Variants in DCC observed in about 807,000 individuals in gnomAD.
DCC encodes the protein netrin receptor DCC.
Under a neutral mutation model 172.5 loss-of-function variants are expected in DCC, and 58 were observed. That is an observed-to-expected ratio of 0.34 (90% CI 0.27 to 0.42). The LOEUF is 0.42. Ranked by LOEUF, DCC falls within the 10% of genes least tolerant of loss-of-function variation. DCC has a pLI of 1.00. For synonymous variants in DCC, 709 were observed against 644.5 expected (o/e 1.10, Z -1.52); for missense variants, 1,740 against 1,791.0 (o/e 0.97, Z 0.51).
chr18:53,480,752 A>G (rs2045821826), intron 25 of DCC: 1 of 152,192 alleles, frequency 6.6e-6, no homozygotes, highest in South Asian at 2.1e-4. Context: ...CAGATGAGGA[A>G]ACTGAAAAAC....
intron 26 of DCC, among the ~76,000 whole-genome samples, chr18:53,496,346 C>T (rs1055867951): frequency 6.6e-6 from 1 of 152,138 alleles, no homozygotes; most frequent in Non-Finnish European, 1.5e-5. Flanking sequence ...CTCCAGCAGA[C>T]CTGCCACAGA....
chr18:52,839,228 A>G (rs1195758851), intron 2 of DCC, among the ~76,000 whole-genome samples: 1 of 152,224 alleles, frequency 6.6e-6, no homozygotes, highest in Non-Finnish European at 1.5e-5. Flanking sequence ...TAATTGACAC[A>G]GAAGTTTTCT....
At chr18:52,426,011 C>T (rs1273727816) in intron 1 of DCC, among the ~76,000 whole-genome samples, 1 of 152,110 alleles carries the variant, frequency 6.6e-6, no homozygotes, top group African/African-American at 2.4e-5. Flanking sequence ...CTGTTGTTAT[C>T]TCAGTGAGGT....
At chr18:52,857,950 T>A (rs1421611749) in intron 2 of DCC, among the ~76,000 whole-genome samples, 2 of 152,206 alleles carry the variant, frequency 1.3e-5, no homozygotes, top group Non-Finnish European at 2.9e-5. Flanking sequence ...TTTCATTATT[T>A]GGTTAAAAGA....
At chr18:52,706,962 T>C (rs116953349) in intron 1 of DCC, among the ~76,000 whole-genome samples, 5,708 of 152,100 alleles carry the variant, frequency 0.038, 165 homozygotes, top group Middle Eastern at 0.058. Context: ...GAGGGAGAGT[T>C]AACCAGGAGA....
At chr18:53,255,920 T>G (rs1037279456) in intron 12 of DCC, among the ~76,000 whole-genome samples, 2 of 152,208 alleles carry the variant, frequency 1.3e-5, no homozygotes, top group African/African-American at 4.8e-5. Context: ...TGGTGTGAGA[T>G]GGTATCTCAT....
chr18:52,969,630 A>T (rs7506200), intron 5 of DCC, among the ~76,000 whole-genome samples: 111,499 of 140,246 alleles, frequency 0.8, 43,296 homozygotes, highest in African/African-American at 0.89. Flanking sequence ...TCTTTCTGTG[A>T]CTCTCTGTGT....
At chr18:52,391,046 A>T (rs1036949515) in intron 1 of DCC, among the ~76,000 whole-genome samples, 2 of 151,984 alleles carry the variant, frequency 1.3e-5, no homozygotes, top group African/African-American at 2.4e-5. Context: ...GTATAATATT[A>T]TACACACTTT....
rs376552925 is a variant in DCC, at chr18:52,957,462, C to T, written c.985+32092C>T. Among the ~76,000 whole-genome samples, 166 of 151,994 alleles carry T rather than the reference C, an allele frequency of 1.1e-3. 3 individuals carry two copies. The Middle Eastern group carries it at 0.021, about 19-fold the overall frequency. ...GCAGAACAAAGGAACTAAAGAGATG[C>T]AAGAGAAGAGTGTTTTTAACAAGTA... On this transcript the variant is annotated intron_variant, in intron 5 of 28. Transcript: ENST00000442544.
intron 12 of DCC, among the ~76,000 whole-genome samples, chr18:53,254,100 T>C (rs551684655): frequency 2.0e-5 from 3 of 152,168 alleles, no homozygotes; most frequent in Non-Finnish European, 2.9e-5. Context: ...GGTTCTGCCA[T>C]TGTAAAAAAG....
At chr18:53,186,608 T>C (rs1346290626) in intron 9 of DCC, among the ~76,000 whole-genome samples, 1 of 152,208 alleles carries the variant, frequency 6.6e-6, no homozygotes, top group African/African-American at 2.4e-5. Flanking sequence ...CTTTAGAGCA[T>C]ATTTTTCTAT....
chr18:52,834,048 A>G (rs1327091945), intron 2 of DCC, among the ~76,000 whole-genome samples: 1 of 152,162 alleles, frequency 6.6e-6, no homozygotes, highest in Non-Finnish European at 1.5e-5. Flanking sequence ...CAGCTTCTGC[A>G]GAAAACAGGT....
intron 14 of DCC, among the ~76,000 whole-genome samples, chr18:53,339,271 C>T (rs2057627538): frequency 6.6e-6 from 1 of 152,148 alleles, no homozygotes; most frequent in African/African-American, 2.4e-5. Context: ...CTGACAATTA[C>T]ATAAGAAAGG....
intron 5 of DCC, among the ~76,000 whole-genome samples, chr18:53,021,566 G>A (rs116104839): frequency 6.6e-6 from 1 of 152,270 alleles, no homozygotes; most frequent in Non-Finnish European, 1.5e-5. Flanking sequence ...GTGTGTGTGT[G>A]TGTGCATGTG....
At chr18:53,415,143 T>C (rs559559102) in intron 20 of DCC, among the ~76,000 whole-genome samples, 43 of 152,324 alleles carry the variant, frequency 2.8e-4, no homozygotes, top group African/African-American at 9.9e-4. Context: ...GCGTTTAAGG[T>C]ATTTTTCAAA....
chr18:53,270,132 C>G (rs554384800), intron 12 of DCC, among the ~76,000 whole-genome samples: 3 of 152,100 alleles, frequency 2.0e-5, no homozygotes, highest in Non-Finnish European at 2.9e-5. Context: ...GGTAGAAAAG[C>G]AAGAGAGGTA....
At chr18:53,024,982 T>A (rs530345494) in intron 5 of DCC, among the ~76,000 whole-genome samples, 1 of 152,226 alleles carries the variant, frequency 6.6e-6, no homozygotes, top group Admixed American at 6.5e-5. Context: ...GCATTTTTAT[T>A]TACATAAGTA....
chr18:53,520,118 T>TA (rs1311724994), intron 27 of DCC, among the ~76,000 whole-genome samples: 2 of 152,080 alleles, frequency 1.3e-5, no homozygotes, highest in African/African-American at 4.8e-5. Flanking sequence ...AAAAACCAGT[T>TA]AGTCTCCCAG....
At chr18:53,126,379 C>A (rs1460054232) in intron 7 of DCC, among the ~76,000 whole-genome samples, 1 of 152,110 alleles carries the variant, frequency 6.6e-6, no homozygotes. Flanking sequence ...AGATAGTCCA[C>A]AGATGATGCA....
Sources: allele counts gnomAD v4.1 joint callset (sites outside exome capture counted in the v4.1 genomes callset), GRCh38; gene constraint gnomAD v4.1.1; transcripts MANE v1.5; gene names NCBI Gene and HGNC (gene_info 2026-07-23, HGNC 2026-07-21).